OR2L13: variants seen among roughly 807,000 people sequenced by gnomAD.
The protein encoded by OR2L13 is olfactory receptor family 2 subfamily L member 13, also known as olfactory receptor 2L13.
Under a neutral mutation model 15.3 loss-of-function variants are expected in OR2L13, and 14 were observed. The ratio of observed to expected loss-of-function variants is 0.91; its 90% confidence interval spans 0.60 to 1.43. The LOEUF is 1.43. Among genes scored for constraint, OR2L13 ranks in the 40% most tolerant of loss-of-function variants. The pLI, the probability that OR2L13 is intolerant of heterozygous loss-of-function variation, is 0.00. For missense variants in OR2L13, 367 were observed against 387.9 expected, an observed-to-expected ratio of 0.95 and a Z score of 0.45; for synonymous variants, 152 against 142.9, an observed-to-expected ratio of 1.06 and a Z score of -0.45.
chr1:248,009,060 C>A, the OR2L13 span, among the ~76,000 whole-genome samples: 3 of 152,060 alleles, frequency 2.0e-5, no homozygotes, highest in Non-Finnish European at 4.4e-5. Context: ...AAATTTATAG[C>A]ACTAAATGCC....
chr1:247,975,304 G>A, the OR2L13 span: 13 of 480,452 alleles, frequency 2.7e-5, no homozygotes, highest in African/African-American at 2.4e-4. Context: ...CTGGGTCTAT[G>A]AGTGCACAGT....
At chr1:247,984,922 C>T in the OR2L13 span, among the ~76,000 whole-genome samples, 2 of 152,078 alleles carry the variant, frequency 1.3e-5, no homozygotes, top group East Asian at 1.9e-4. Context: ...TTCCAGCATT[C>T]GACTTTCTGT....
chr1:248,096,786 GT>G (rs1231832079), upstream of OR2L13, among the ~76,000 whole-genome samples: 3 of 152,180 alleles, frequency 2.0e-5, no homozygotes, highest in Admixed American at 2.0e-4. Context: ...GAAATGAGGT[GT>G]TTTTTAACTC....
chr1:248,028,082 A>C, the OR2L13 span, among the ~76,000 whole-genome samples: 8 of 139,030 alleles, frequency 5.8e-5, no homozygotes, highest in African/African-American at 1.9e-4. Context: ...CTGAGCTTGC[A>C]GTGAGCCGAG....
the OR2L13 span, chr1:247,949,335 G>T: frequency 6.2e-7 from 1 of 1,614,158 alleles, no homozygotes; most frequent in Non-Finnish European, 8.5e-7. Context: ...TGCTCACACT[G>T]TATATGTACT....
At chr1:247,942,011 C>T in the OR2L13 span, among the ~76,000 whole-genome samples, 12 of 152,150 alleles carry the variant, frequency 7.9e-5, no homozygotes, top group South Asian at 2.1e-4. Flanking sequence ...TCTTTCTGTC[C>T]TTCAATCCAG....
chr1:248,052,125 C>T, the OR2L13 span, among the ~76,000 whole-genome samples: 11 of 152,218 alleles, frequency 7.2e-5, no homozygotes, highest in East Asian at 1.9e-4. Flanking sequence ...CTTTATTATT[C>T]GACATTTTCA....
the OR2L13 span, among the ~76,000 whole-genome samples, chr1:248,080,937 C>T: frequency 1.3e-5 from 2 of 152,176 alleles, no homozygotes; most frequent in Non-Finnish European, 2.9e-5. Context: ...CAAAGTAACT[C>T]CTCATTCGAA....
chr1:248,073,655 AT>A, the OR2L13 span, among the ~76,000 whole-genome samples: 4 of 151,214 alleles, frequency 2.6e-5, no homozygotes, highest in East Asian at 1.9e-4. Flanking sequence ...AATTAAAAAA[AT>A]AAAAAATAAA....
chr1:248,055,003 C>G, the OR2L13 span, among the ~76,000 whole-genome samples: 1 of 152,156 alleles, frequency 6.6e-6, no homozygotes, highest in Admixed American at 6.5e-5. Flanking sequence ...GAGATTGCAT[C>G]CTTGTCTTGT....
the OR2L13 span, among the ~76,000 whole-genome samples, chr1:247,978,312 G>A: frequency 1.8e-4 from 28 of 151,772 alleles, no homozygotes; most frequent in African/African-American, 6.3e-4. Context: ...GTTTTGGTCT[G>A]CTACCACTCA....
chr1:247,957,543 G>A, the OR2L13 span, among the ~76,000 whole-genome samples: 1 of 152,142 alleles, frequency 6.6e-6, no homozygotes, highest in African/African-American at 2.4e-5. Context: ...TATACCTCTG[G>A]TAAATTCGGC....
the OR2L13 span, among the ~76,000 whole-genome samples, chr1:247,988,711 G>A: frequency 3.0e-4 from 45 of 152,134 alleles, no homozygotes; most frequent in South Asian, 1.5e-3. Flanking sequence ...GTGCAAAGTC[G>A]TCCACTGATG....
At chr1:248,084,207 T>C in the OR2L13 span, 2 of 1,611,582 alleles carry the variant, frequency 1.2e-6, no homozygotes, top group South Asian at 2.2e-5. Context: ...GAGAGTGGGA[T>C]ATCGGAGTGG....
chr1:248,038,063 G>T, the OR2L13 span: 1 of 455,696 alleles, frequency 2.2e-6, no homozygotes, highest in Non-Finnish European at 3.9e-6. Context: ...AGTTATTTTT[G>T]TTAATCTCTT....
At chr1:247,983,094 G>GTA in the OR2L13 span, among the ~76,000 whole-genome samples, 1 of 152,102 alleles carries the variant, frequency 6.6e-6, no homozygotes, top group African/African-American at 2.4e-5. Context: ...TTGTTTGTGT[G>GTA]TATATATATG....
At chr1:248,036,502 G>A in the OR2L13 span, among the ~76,000 whole-genome samples, 2 of 152,124 alleles carry the variant, frequency 1.3e-5, no homozygotes, top group Non-Finnish European at 2.9e-5. Flanking sequence ...GTACATACAC[G>A]TGTATTGATC....
the OR2L13 span, chr1:248,038,518 T>G: frequency 1.2e-6 from 2 of 1,614,030 alleles, no homozygotes; most frequent in Non-Finnish European, 1.7e-6. Context: ...GTTTATGATT[T>G]TCTGTATGGA....
At chr1:248,015,237 A>G in the OR2L13 span, among the ~76,000 whole-genome samples, 1 of 152,220 alleles carries the variant, frequency 6.6e-6, no homozygotes, top group Non-Finnish European at 1.5e-5. Flanking sequence ...TTCCTACGTC[A>G]GTTAAACACA....
Sources: gnomAD v4.1 joint callset for allele counts (sites outside exome capture counted in the v4.1 genomes callset) on GRCh38, gnomAD v4.1.1 for gene constraint, MANE v1.5 for transcripts, NCBI Gene and HGNC (gene_info 2026-07-23, HGNC 2026-07-21) for gene names.